Variants in UNC5B observed in about 807,000 individuals in gnomAD.
UNC5B encodes the protein netrin receptor UNC5B.
A neutral mutation model predicts 103.7 loss-of-function variants in UNC5B; 56 were observed. The ratio of observed to expected loss-of-function variants is 0.54; its 90% CI spans 0.44 to 0.67. UNC5B has a LOEUF of 0.67. Among genes scored for constraint, UNC5B ranks in the 30% least tolerant of loss-of-function variants. The pLI is 0.00. For synonymous variants in UNC5B, 577 were observed against 542.0 expected (o/e 1.06, Z -0.90); for missense variants, 1,194 against 1,284.5 (o/e 0.93, Z 1.08).
rs1254642864 is a variant in UNC5B, at chr10:71,300,582, G to C, written c.*1305G>C. ...ACACCCTCATCCCCTCCTCAGCCCA[G>C]CAGCCTCTAGAGCAGCGTGGTGCTC... On this transcript the variant is annotated 3_prime_UTR_variant, in exon 17 of 17. Transcript: ENST00000335350. The C allele has an allele frequency of 1.3e-5, 2 of 152,422 alleles. No individual in the cohort carries two copies. The highest frequency in any genetic ancestry group is 2.9e-5 in the Non-Finnish European group (2 of 68,208). 9.4% of individuals were successfully genotyped at this position (152,422 alleles called of 1,614,324 possible).
chr10:71,257,700 G>T (rs565510499), intron 1 of UNC5B, among the ~76,000 whole-genome samples: 3 of 152,342 alleles, frequency 2.0e-5, no homozygotes, highest in South Asian at 4.1e-4. Flanking sequence ...GTTTTCCATG[G>T]CTTGGGGCCC....
chr10:71,228,525 A>C (rs578257619), intron 1 of UNC5B, among the ~76,000 whole-genome samples: 1 of 152,384 alleles, frequency 6.6e-6, no homozygotes, highest in Admixed American at 6.5e-5. Flanking sequence ...TCAAGGAACA[A>C]AGGATCAAGC....
chr10:71,253,316 A>AAGGCCC, intron 1 of UNC5B, among the ~76,000 whole-genome samples: 1 of 152,308 alleles, frequency 6.6e-6, no homozygotes, highest in East Asian at 1.9e-4. Context: ...ACCCTACTGC[A>AAGGCCC]AGGCCCAGGC....
chr10:71,260,593 A>G (rs1331865443), intron 1 of UNC5B, among the ~76,000 whole-genome samples: 5 of 152,190 alleles, frequency 3.3e-5, no homozygotes, highest in African/African-American at 4.8e-5. Flanking sequence ...CATCAGGGCT[A>G]TGTTCACCCT....
intron 4 of UNC5B, 32 bp from the exon 5 acceptor site, chr10:71,286,657 C>T (rs1365086734): frequency 1.2e-6 from 2 of 1,611,810 alleles, no homozygotes; most frequent in Admixed American, 1.7e-5. Flanking sequence ...CTGTCCTGGG[C>T]CCTCACTGCC....
In UNC5B at chr10:71,272,589, T is replaced by C. The variant is rs1272258430; in HGVS notation, c.80-7232T>C. Among the ~76,000 whole-genome samples the C allele has an allele frequency of 3.9e-5, 6 of 152,310 alleles. No individual in the cohort carries two copies. The East Asian group carries it at 1.2e-3, about 29-fold the overall frequency. ...AACCCTGCCGTGGCTGTGCTGTCTT[T>C]CTGGGCCCCCTGTCCCTCCTCAGTC... On this transcript the variant is annotated intron_variant, in intron 1 of 16. Transcript: ENST00000335350.
chr10:71,235,666 G>T (rs1383100453), intron 1 of UNC5B, among the ~76,000 whole-genome samples: 1 of 152,188 alleles, frequency 6.6e-6, no homozygotes, highest in Non-Finnish European at 1.5e-5. Context: ...GGTTCCCGGA[G>T]CCCAGCCTCC....
chr10:71,230,630 T>G (rs1843664086), intron 1 of UNC5B, among the ~76,000 whole-genome samples: 1 of 152,234 alleles, frequency 6.6e-6, no homozygotes, highest in African/African-American at 2.4e-5. Context: ...ACAGCCTCCC[T>G]TTGGATACTC....
chr10:71,271,979 G>T (rs1844656839), intron 1 of UNC5B, among the ~76,000 whole-genome samples: 1 of 152,134 alleles, frequency 6.6e-6, no homozygotes, highest in Admixed American at 6.5e-5. Flanking sequence ...CTCCGAGGGG[G>T]CCCCTGCCTG....
intron 1 of UNC5B, among the ~76,000 whole-genome samples, chr10:71,277,186 G>A (rs1844792493): frequency 6.6e-6 from 1 of 152,264 alleles, no homozygotes; most frequent in African/African-American, 2.4e-5. Flanking sequence ...AGAGCACAGA[G>A]GCGGCTGTCA....
At chr10:71,270,522 G>A (rs1016579755) in intron 1 of UNC5B, among the ~76,000 whole-genome samples, 1 of 152,124 alleles carries the variant, frequency 6.6e-6, no homozygotes, top group Non-Finnish European at 1.5e-5. Flanking sequence ...AGATCACTCT[G>A]GTGTTAAGAG....
chr10:71,289,504 C>A (rs58586780), intron 8 of UNC5B, among the ~76,000 whole-genome samples: 1 of 152,346 alleles, frequency 6.6e-6, no homozygotes, highest in East Asian at 1.9e-4. Context: ...GGCTCACCCT[C>A]CAGCCCCAGA....
intron 1 of UNC5B, among the ~76,000 whole-genome samples, chr10:71,223,906 T>G (rs1268622504): frequency 6.6e-6 from 1 of 152,212 alleles, no homozygotes; most frequent in Non-Finnish European, 1.5e-5. Flanking sequence ...TAGCAACTGC[T>G]ACCAGCTTCT....
intron 1 of UNC5B, among the ~76,000 whole-genome samples, chr10:71,253,112 C>T (rs780986246): frequency 2.7e-4 from 41 of 152,214 alleles, no homozygotes; most frequent in Non-Finnish European, 4.4e-5. Context: ...CTCATTTCCA[C>T]ACTTCACCTC....
Position 71,293,845 on chromosome 10 carries a change from A to G in UNC5B, c.2087A>G (p.Gln696Arg). 6.2e-7 allele frequency: 1 copy of G among 1,611,042 alleles called. No homozygotes were observed. Among genetic ancestry groups the G allele is most frequent in the Non-Finnish European group, 8.5e-7 (1 of 1,179,674 alleles). The change falls in exon 13 of 17, where the codon CAG (glutamine) becomes CGG (arginine). Residue 696 changes from glutamine (Q) to arginine (R), a missense_variant. Gln to Arg is a conservative substitution (Grantham distance 43, BLOSUM62 1). Coordinates refer to ENST00000335350, the MANE Select transcript of UNC5B (RefSeq NM_170744.5). ...SYSRSAVKRL[Q>R]LAVFAPALCT... is the part of the protein sequence containing the mutation. ...TCCCGCTCAGCAGTCAAGCGGCTCC[A>G]GCTGGCCGTCTTCGCCCCCGCCCTC...
intron 1 of UNC5B, among the ~76,000 whole-genome samples, chr10:71,254,053 G>C (rs1844235949): frequency 6.6e-6 from 1 of 152,166 alleles, no homozygotes; most frequent in African/African-American, 2.4e-5. Context: ...TAGTAGAGAG[G>C]ACAAAAATGA....
At chr10:71,243,072 T>TA (rs965824388) in intron 1 of UNC5B, among the ~76,000 whole-genome samples, 2 of 151,904 alleles carry the variant, frequency 1.3e-5, no homozygotes, top group Admixed American at 6.6e-5. Flanking sequence ...TATTTTCTAT[T>TA]AAAAATACAA....
intron 1 of UNC5B, among the ~76,000 whole-genome samples, chr10:71,279,421 C>G (rs4570508): frequency 0.71 from 108,574 of 152,152 alleles, 39,768 homozygotes; most frequent in Non-Finnish European, 0.79. Context: ...CATTGCATCT[C>G]GTGGCGTCAC....
chr10:71,264,971 TA>T (rs34240729), intron 1 of UNC5B, among the ~76,000 whole-genome samples: 81,817 of 120,700 alleles, frequency 0.68, 28,281 homozygotes, highest in Non-Finnish European at 0.79. Context: ...CCTGTCTCTA[TA>T]AAAAAAAAAA....
Sources: gnomAD v4.1 joint callset for allele counts (sites outside exome capture counted in the v4.1 genomes callset) on GRCh38, gnomAD v4.1.1 for gene constraint, MANE v1.5 for transcripts, NCBI Gene and HGNC (gene_info 2026-07-23, HGNC 2026-07-21) for gene names.